C8B: variants seen among roughly 807,000 people sequenced by gnomAD.
The protein encoded by C8B is complement component C8 beta chain.
In C8B, 67 loss-of-function variants were observed where a neutral mutation model predicts 64.6. That is an observed-to-expected ratio of 1.04 (90% CI 0.85 to 1.27). C8B has a LOEUF of 1.27. C8B is among the 50% of genes most tolerant of loss of function. The probability of loss-of-function intolerance (pLI) is 0.00; values close to 1 mark genes in which losing one functional copy is unlikely to be tolerated. For synonymous variants in C8B, 284 were observed against 257.7 expected (o/e 1.10, Z -0.98); for missense variants, 790 against 725.2 (o/e 1.09, Z -1.03).
intron 11 of C8B, among the ~76,000 whole-genome samples, chr1:56,930,243 C>T (rs1377879292): frequency 6.6e-6 from 1 of 152,190 alleles, no homozygotes; most frequent in Admixed American, 6.5e-5. Context: ...GATGAAGTGA[C>T]AACAGACACC....
intron 9 of C8B, among the ~76,000 whole-genome samples, chr1:56,939,804 G>A (rs964884145): frequency 1.3e-5 from 2 of 152,220 alleles, no homozygotes; most frequent in African/African-American, 4.8e-5. Flanking sequence ...AGACTCTTGA[G>A]CAGCCAAAGA....
intron 9 of C8B, among the ~76,000 whole-genome samples, chr1:56,937,432 A>G (rs930621942): frequency 2.0e-5 from 3 of 152,320 alleles, no homozygotes; most frequent in African/African-American, 7.2e-5. Context: ...GTTTCTCTGC[A>G]TCATGACCTA....
At chr1:56,964,495 C>A (rs140007440) in intron 1 of C8B, among the ~76,000 whole-genome samples, 3 of 152,190 alleles carry the variant, frequency 2.0e-5, no homozygotes, top group Non-Finnish European at 4.4e-5. Context: ...CTCACACTCA[C>A]GCACCGTTGC....
In C8B at chr1:56,954,748, CCTT is replaced by C; in HGVS notation, c.468_470del (p.Arg157del). The C allele has an allele frequency of 1.2e-6, 2 of 1,614,160 alleles. No homozygotes were observed. Among genetic ancestry groups the C allele is most frequent in the Non-Finnish European group, 1.7e-6 (2 of 1,180,012 alleles). On this transcript the variant is annotated inframe_deletion, in exon 4 of 12. Transcript: ENST00000371237. ...TTTCATGCTGACATTTTTTATAAAT[CCTT>C]CTACAGTTTGCTTCATCTGACTGGT...
chr1:56,948,699 C>G (rs563373015), intron 6 of C8B, among the ~76,000 whole-genome samples: 1 of 152,062 alleles, frequency 6.6e-6, no homozygotes, highest in South Asian at 2.1e-4. Context: ...AATATTAGAC[C>G]CAGGAAGGAA....
rs925382433 is a variant in C8B at position 56,929,259 on chromosome 1, T to G, written c.*145A>C. The G allele has an allele frequency of 4.9e-6, 4 of 819,320 alleles. No individual in the cohort carries two copies. The highest frequency in any genetic ancestry group is 4.9e-5 in the East Asian group (2 of 40,432). The allele number at this position is 819,320 out of a possible 1,614,324, so 50.8% of individuals were successfully genotyped here. A position where few individuals can be genotyped will look rare whatever the true frequency, so the allele number is the denominator to read the frequency against. On this transcript the variant is annotated 3_prime_UTR_variant, in exon 12 of 12. Coordinates refer to ENST00000371237, the MANE Select transcript of C8B (RefSeq NM_000066.4). Reference sequence around the variant, plus strand: ...TTAAATCAACTTGCATTTTACAAGGTAACATCTTTATTTTAAACAGCTTGC... The same window carrying G: ...TTAAATCAACTTGCATTTTACAAGGGAACATCTTTATTTTAAACAGCTTGC...
intron 4 of C8B, among the ~76,000 whole-genome samples, 175 bp from the exon 5 acceptor site, chr1:56,952,355 G>A (rs1440771922): frequency 3.3e-5 from 5 of 152,250 alleles, no homozygotes; most frequent in African/African-American, 7.2e-5. Flanking sequence ...CCACAGCCAC[G>A]TGCCCTAGTC....
At position 56,929,326 on chromosome 1, in the gene C8B, C is replaced by T. The variant is rs1644660286; in HGVS notation, c.*78G>A. 1.3e-6 allele frequency: 2 copies of T among 1,499,810 alleles called. No individual in the cohort carries two copies. The highest frequency in any genetic ancestry group is 2.3e-5 in the East Asian group (1 of 44,336). The allele number at this position is 1,499,810 out of a possible 1,614,324, so 92.9% of individuals were successfully genotyped here. A position where few individuals can be genotyped will look rare whatever the true frequency, so the allele number is the denominator to read the frequency against. On this transcript the variant is annotated 3_prime_UTR_variant, in exon 12 of 12. Coordinates refer to ENST00000371237, the MANE Select transcript of C8B (RefSeq NM_000066.4). ...CCCTTGCATGAACTCCAGGTGGAAA[C>T]TGGTGTAGGGCTGAGCTGGCATGAG...
Position 56,929,413 on chromosome 1 carries a change from G to A in C8B, c.1767C>T (p.Asp589=), listed in dbSNP as rs752783592. The A allele has an allele frequency of 1.2e-6, 2 of 1,612,200 alleles. No homozygotes were observed. The highest frequency in any genetic ancestry group is 2.2e-5 in the East Asian group (1 of 44,886). ...PCSGPASETL[D]CS ...ACTGCTGTATCATCTGCTAGGAGCA[G>A]TCAAGTGTTTCTGAAGCAGGGCCTG... The change falls in exon 12 of 12, where the codon GAC becomes GAT. Residue 589 remains aspartate, a synonymous_variant. Coordinates refer to ENST00000371237, the MANE Select transcript of C8B (RefSeq NM_000066.4).
intron 7 of C8B, among the ~76,000 whole-genome samples, chr1:56,945,142 C>A (rs1644922964): frequency 6.6e-6 from 1 of 152,188 alleles, no homozygotes; most frequent in South Asian, 2.1e-4. Flanking sequence ...TCCAAACCTA[C>A]TGAATCAGAA....
intron 1 of C8B, among the ~76,000 whole-genome samples, chr1:56,962,972 T>A (rs776062414): frequency 6.5e-4 from 99 of 152,228 alleles, no homozygotes; most frequent in Admixed American, 1.5e-3. Context: ...GGATGTTCTA[T>A]CATATGACAC....
rs931429375 is a variant in C8B, at chr1:56,960,196, A to T, written c.93-20T>A. ...TCACCTCTAAAAGTCATTATGAGAG[A>T]AGAGAGTCACGTATCAGAAGGGAAT... On this transcript the variant is annotated intron_variant, in intron 1 of 11. Coordinates refer to ENST00000371237, the MANE Select transcript of C8B (RefSeq NM_000066.4). 1 of 1,612,258 alleles carries T rather than the reference A, an allele frequency of 6.2e-7. No individual in the cohort carries two copies. The highest frequency in any genetic ancestry group is 8.5e-7 in the Non-Finnish European group (1 of 1,178,664).
At chr1:56,946,138 A>C (rs1570388648) in intron 6 of C8B, 77 bp from the exon 7 acceptor site, 2 of 1,553,298 alleles carry the variant, frequency 1.3e-6, no homozygotes. Context: ...CTTTACAAAT[A>C]CCATCCGATG....
chr1:56,960,666 C>T (rs1157705233), intron 1 of C8B, among the ~76,000 whole-genome samples: 1 of 152,174 alleles, frequency 6.6e-6, no homozygotes, highest in African/African-American at 2.4e-5. Flanking sequence ...TGGCAATGGC[C>T]AGGGCGAGAG....
chr1:56,932,838 T>C (rs1266370086), intron 10 of C8B, among the ~76,000 whole-genome samples: 1 of 152,160 alleles, frequency 6.6e-6, no homozygotes, highest in African/African-American at 2.4e-5. Context: ...GATGCCCTGT[T>C]TTGTGTGCTG....
chr1:56,955,185 T>C (rs1238065377), intron 3 of C8B, among the ~76,000 whole-genome samples: 1 of 152,252 alleles, frequency 6.6e-6, no homozygotes, highest in East Asian at 1.9e-4. Context: ...ACCTGTAAAA[T>C]AGGAAAGTAA....
At chr1:56,949,172 T>C (rs1644984844) in intron 6 of C8B, among the ~76,000 whole-genome samples, 1 of 152,144 alleles carries the variant, frequency 6.6e-6, no homozygotes, top group Non-Finnish European at 1.5e-5. Flanking sequence ...TTAATTGCCA[T>C]TGTAACAGTT....
intron 6 of C8B, among the ~76,000 whole-genome samples, chr1:56,946,460 T>G (rs1644943980): frequency 6.6e-6 from 1 of 152,202 alleles, no homozygotes; most frequent in Non-Finnish European, 1.5e-5. Context: ...GTAAAAGTGG[T>G]GCTTTAGGAA....
chr1:56,955,284 A>G (rs585762), intron 3 of C8B, among the ~76,000 whole-genome samples: 81,907 of 152,126 alleles, frequency 0.54, 22,315 homozygotes, highest in South Asian at 0.67. Flanking sequence ...TGTTATCAGT[A>G]CTATTCGTGT....
Sources: allele counts gnomAD v4.1 joint callset (sites outside exome capture counted in the v4.1 genomes callset), GRCh38; gene constraint gnomAD v4.1.1; transcripts MANE v1.5; gene names NCBI Gene and HGNC (gene_info 2026-07-23, HGNC 2026-07-21).